ZMYM3: variants seen among roughly 807,000 people sequenced by gnomAD.
ZMYM3 encodes zinc finger MYM-type containing 3.
ZMYM3 carries 6 observed loss-of-function variants against 94.2 expected under a neutral mutation model. The observed-to-expected ratio is 0.06, with a 90% CI of 0.03 to 0.13. The LOEUF (loss-of-function observed/expected upper bound fraction) is 0.13, where lower values mean the gene tolerates loss of function less well. Among genes scored for constraint, ZMYM3 ranks in the 10% least tolerant of loss-of-function variants. The pLI is 1.00. For synonymous variants in ZMYM3, 420 were observed against 426.5 expected, an observed-to-expected ratio of 0.98 and a Z score of 0.19; for missense variants, 664 against 1,132.6, an observed-to-expected ratio of 0.59 and a Z score of 5.94.
At chrX:71,245,893 G>A in intron 16 of ZMYM3, 51 bp from the exon 17 acceptor site, 1 of 1,191,663 alleles carries the variant, frequency 8.4e-7, no homozygotes, top group South Asian at 1.8e-5. Context: ...AGCAGTTGGG[G>A]GGAAGTTGGG....
In ZMYM3 at chrX:71,247,351, G is replaced by T; in HGVS notation, c.2308C>A (p.Leu770Met). 1 of 1,190,474 alleles carries T rather than the reference G, an allele frequency of 8.4e-7. No individual in the cohort carries two copies. Residue 770 changes from leucine (L) to methionine (M), a missense_variant, in exon 13 of 25, where the codon CTG (leucine) becomes ATG (methionine). By Grantham distance (15) the Leu-to-Met change is conservative. Transcript: ENST00000314425. Reference protein sequence around the residue: ...LDTQSGPESLLNSQSPESKPQ... With the variant: ...LDTQSGPESLMNSQSPESKPQ... ...CCCCCTGCCTGGGACTCACTGTTCA[G>T]GAGGCTCTCGGGCCCACTCTGGGTA... is the stretch of plus-strand genomic sequence containing the variant.
chrX:71,251,062 T>C, intron 4 of ZMYM3, 116 bp downstream of exon 4: 1 of 782,319 alleles, frequency 1.3e-6, no homozygotes, highest in East Asian at 3.2e-5. Context: ...AGGCACTTCA[T>C]GCGCTTCATG....
chrX:71,247,545 C>T (rs2030235269), intron 12 of ZMYM3, 35 bp from the exon 13 acceptor site: 2 of 1,192,597 alleles, frequency 1.7e-6, no homozygotes, highest in Non-Finnish European at 2.3e-6. Flanking sequence ...GACCTGCCTC[C>T]CTAAAATGCG....
At chrX:71,255,084 A>ATCTCTCTCTCTCTC (rs61261611), upstream of ZMYM3, 5 of 20,842 alleles carry the variant, frequency 2.4e-4, no homozygotes, top group South Asian at 3.1e-3. Flanking sequence ...ACCAGGGCTG[A>ATCTCTCTCTCTCTC]TCTCTCTCTC....
At chrX:71,251,034 C>G in intron 4 of ZMYM3, 144 bp downstream of exon 4, 1 of 625,504 alleles carries the variant, frequency 1.6e-6, no homozygotes, top group Non-Finnish European at 2.5e-6. Flanking sequence ...GGTTCCCATG[C>G]CAACCCATAG....
chrX:71,250,408 A>C, intron 5 of ZMYM3, 24 bp downstream of exon 5: 1 of 1,185,691 alleles, frequency 8.4e-7, no homozygotes. Context: ...TGCCCTCTGC[A>C]TAGCCCCCAA....
rs2029882049 is a variant in ZMYM3, at chrX:71,239,645, GAAAC to G, written c.*1267_*1270del. ...AAAAGACAATTTTAACTCTTTATTT[GAAAC>G]AAACAATTTCAGAGACAGAAGGTTA... On this transcript the variant is annotated 3_prime_UTR_variant, in exon 25 of 25. Transcript: ENST00000314425. The G allele has an allele frequency of 8.9e-6, 1 of 112,447 alleles. No individual in the cohort carries two copies. The highest frequency in any genetic ancestry group is 1.9e-5 in the Non-Finnish European group (1 of 53,244). 9.3% of individuals were successfully genotyped at this position (112,447 alleles called of 1,213,427 possible).
chrX:71,252,362 A>G (rs2030520277), intron 2 of ZMYM3, among the ~76,000 whole-genome samples: 1 of 107,821 alleles, frequency 9.3e-6, no homozygotes, highest in African/African-American at 3.4e-5. Flanking sequence ...GCTCCCTGAA[A>G]CCTTACCCCA....
chrX:71,252,442 CT>C, intron 2 of ZMYM3, 146 bp downstream of exon 2: 1 of 558,529 alleles, frequency 1.8e-6, no homozygotes. Flanking sequence ...CCACTCCTCC[CT>C]CGTAAACCCC....
At chrX:71,247,948 T>C (rs1197173847) in intron 11 of ZMYM3, 42 bp from the exon 12 acceptor site, 1 of 1,147,073 alleles carries the variant, frequency 8.7e-7, no homozygotes, top group African/African-American at 1.8e-5. Flanking sequence ...GAGACACAGA[T>C]ACCCAAGGGC....
chrX:71,239,716 G>A lies in ZMYM3; in HGVS notation c.*1200C>T, dbSNP rs949682352. 4 of 112,912 alleles carry A rather than the reference G, an allele frequency of 3.5e-5. No homozygotes were observed. The highest frequency in any genetic ancestry group is 1.3e-4 in the African/African-American group (4 of 31,016). 9.3% of individuals were successfully genotyped at this position (112,912 alleles called of 1,213,427 possible). ...CTCACTACAACACAAGGGTGGGCAT[G>A]GCTCACTGAAGGGACAGGCCAGGCG... On this transcript the variant is annotated 3_prime_UTR_variant, in exon 25 of 25. Coordinates refer to ENST00000314425, the MANE Select transcript of ZMYM3 (RefSeq NM_201599.3).
Position 71,253,265 on chromosome X carries a change from T to C in ZMYM3, c.-10A>G. The stretch of plus-strand genomic sequence containing the variant: ...AATCACTGGGGTCCATGAGTATGGC[T>C]GGATATGTACTGCAGATTAGGAGTA... On this transcript the variant is annotated 5_prime_UTR_variant, in exon 2 of 25. Coordinates refer to ENST00000314425, the MANE Select transcript of ZMYM3 (RefSeq NM_201599.3). The C allele has an allele frequency of 2.6e-6, 3 of 1,152,535 alleles. No individual in the cohort carries two copies. Among genetic ancestry groups the C allele is most frequent in the Non-Finnish European group, 3.5e-6 (3 of 865,636 alleles). 95.0% of individuals were successfully genotyped at this position (1,152,535 alleles called of 1,213,427 possible).
At position 71,246,592 on chromosome X, in the gene ZMYM3, G is replaced by A. The variant is rs769150631; in HGVS notation, c.2412+3C>T. ...TATCCTCCCCCTTGGCTTTTGCCCC[G>A]ACCTTGCCCAAATTCCCATTTTCCT... On this transcript the variant is annotated splice_donor_region_variant and intron_variant, in intron 14 of 24. Transcript: ENST00000314425. 14 of 1,208,399 alleles carry A rather than the reference G, an allele frequency of 1.2e-5. No homozygotes were observed. The highest frequency in any genetic ancestry group is 1.5e-5 in the Non-Finnish European group (13 of 894,508).
At position 71,252,908 on chromosome X, in the gene ZMYM3, T is replaced by A. The variant is rs751070035; in HGVS notation, c.348A>T (p.Pro116=). 5.0e-6 allele frequency: 6 copies of A among 1,210,929 alleles called. No homozygotes were observed. Among genetic ancestry groups the A allele is most frequent in the Middle Eastern group, 2.3e-4 (1 of 4,341 alleles). ...DAGDQTLEPG[P]GGQTPEVVPP... ...GTACCACCTCAGGGGTCTGGCCCCC[T>A]GGTCCAGGCTCTAGGGTCTGATCTC... The change falls in exon 2 of 25, where the codon CCA becomes CCT. Residue 116 remains proline (P), a synonymous_variant. Coordinates refer to ENST00000314425, the MANE Select transcript of ZMYM3 (RefSeq NM_201599.3).
chrX:71,245,897 A>T, intron 16 of ZMYM3, 55 bp from the exon 17 acceptor site: 1 of 1,176,488 alleles, frequency 8.5e-7, no homozygotes, highest in Non-Finnish European at 1.1e-6. Context: ...GTTGGGGGGA[A>T]GTTGGGGGGA....
Position 71,244,697 on chromosome X carries a change from G to A in ZMYM3, c.3111+93C>T. On this transcript the variant is annotated intron_variant, in intron 19 of 24. Coordinates refer to ENST00000314425, the MANE Select transcript of ZMYM3 (RefSeq NM_201599.3). ...CTAGTGTTGGAGAAAGGAGGTTAGG[G>A]AAGGTCAAACTATGGTTGCTGGCTT... 3.4e-6 allele frequency: 3 copies of A among 878,441 alleles called. No homozygotes were observed. The Admixed American group carries it at 8.4e-5, about 24-fold the overall frequency. The allele number at this position is 878,441 out of a possible 1,213,427, so 72.4% of individuals were successfully genotyped here.
At chrX:71,243,203 G>T in intron 21 of ZMYM3, 119 bp from the exon 22 acceptor site, 1 of 592,592 alleles carries the variant, frequency 1.7e-6, no homozygotes, top group Non-Finnish European at 2.7e-6. Flanking sequence ...GGAAACAGTT[G>T]CTTGATTAGG....
chrX:71,245,610 C>T (rs762861386), intron 17 of ZMYM3, 58 bp downstream of exon 17: 23 of 1,176,630 alleles, frequency 2.0e-5, no homozygotes, highest in Admixed American at 7.0e-5. Flanking sequence ...ACCACCCCCT[C>T]GGGCAGAGAC....
At position 71,246,408 on chromosome X, in the gene ZMYM3, C is replaced by T; in HGVS notation, c.2517G>A (p.Met839Ile). The T allele has an allele frequency of 9.0e-7, 1 of 1,115,823 alleles. No individual in the cohort carries two copies. Among genetic ancestry groups the T allele is most frequent in the South Asian group, 1.8e-5 (1 of 55,389 alleles). 92.0% of individuals were successfully genotyped at this position (1,115,823 alleles called of 1,213,427 possible). A position where few individuals can be genotyped will look rare whatever the true frequency, so the allele number is the denominator to read the frequency against. Residue 839 changes from methionine (M) to isoleucine (I), a missense_variant, in exon 15 of 25, where the codon ATG becomes ATA. Met to Ile is a conservative substitution (Grantham distance 10). This residue lies in a region of ZMYM3 where 57 missense variants were observed against 52.0 expected (regional missense o/e 1.10). Transcript: ENST00000314425. ...CCTTGCAGGAGACGCCCCGATTCTG[C>T]ATCAGTGGCTTACACATGGCAGCCT... Reference protein sequence around the residue: ...KNKAAMCKPLMQNRGVSCKVE... With the variant: ...KNKAAMCKPLIQNRGVSCKVE...
Sources: gnomAD v4.1 joint callset for allele counts (sites outside exome capture counted in the v4.1 genomes callset) on GRCh38, gnomAD v4.1.1 for gene constraint, gnomAD v4.1.1 regional missense constraint, MANE v1.5 for transcripts, NCBI Gene and HGNC (gene_info 2026-07-23, HGNC 2026-07-21) for gene names.